DYSF: variants seen among roughly 807,000 people sequenced by gnomAD.
DYSF encodes the protein dysferlin.
DYSF carries 212 observed loss-of-function variants against 274.9 expected under a neutral mutation model. That is an observed-to-expected ratio of 0.77 (90% confidence interval 0.69 to 0.86). The LOEUF (loss-of-function observed/expected upper bound fraction) is 0.86. Among genes scored for constraint, DYSF ranks in the 40% least tolerant of loss-of-function variants. The pLI, the probability that DYSF is intolerant of heterozygous loss-of-function variation, is 0.00. For missense variants in DYSF, 2,666 were observed against 2,783.2 expected, an observed-to-expected ratio of 0.96 and a Z score of 0.95; for synonymous variants, 1,091 against 1,078.7, an observed-to-expected ratio of 1.01 and a Z score of -0.22.
chr2:71,666,448 C>T (rs2095011427), intron 47 of DYSF, among the ~76,000 whole-genome samples: 1 of 152,230 alleles, frequency 6.6e-6, no homozygotes, highest in Non-Finnish European at 1.5e-5. Context: ...CAGGGCAGGT[C>T]TGATGGGTGA....
intron 40 of DYSF, among the ~76,000 whole-genome samples, chr2:71,616,156 G>C (rs538675007): frequency 1.3e-5 from 2 of 152,174 alleles, no homozygotes; most frequent in African/African-American, 2.4e-5. Flanking sequence ...TCACCACGGA[G>C]TATTTCTTAG....
At chr2:71,620,414 T>C (rs1408251498) in intron 40 of DYSF, 133 bp from the exon 41 acceptor site, 1 of 968,646 alleles carries the variant, frequency 1.0e-6, no homozygotes, top group Non-Finnish European at 1.6e-6. Context: ...CTTGTCCAAC[T>C]CCAAAGCACA....
At chr2:71,601,630 C>A in intron 35 of DYSF, 102 bp downstream of exon 35, 1 of 1,491,690 alleles carries the variant, frequency 6.7e-7, no homozygotes, top group Non-Finnish European at 9.3e-7. Flanking sequence ...TACCGCGATC[C>A]TGCCTCAAGC....
At chr2:71,468,438 G>A (rs563388376) in intron 1 of DYSF, among the ~76,000 whole-genome samples, 32 of 152,278 alleles carry the variant, frequency 2.1e-4, no homozygotes, top group Middle Eastern at 3.4e-3. Context: ...AGCTACCAGC[G>A]CTTGGAGTGG....
chr2:71,651,299 G>A (rs1352701361), intron 42 of DYSF, among the ~76,000 whole-genome samples: 1 of 152,128 alleles, frequency 6.6e-6, no homozygotes, highest in East Asian at 1.9e-4. Flanking sequence ...TCTTCAGCTA[G>A]TCTACTTTAG....
chr2:71,472,262 A>G (rs1470463674), intron 1 of DYSF, among the ~76,000 whole-genome samples: 1 of 152,238 alleles, frequency 6.6e-6, no homozygotes, highest in Non-Finnish European at 1.5e-5. Context: ...GTCAGAGGTT[A>G]TAGACAGATT....
Position 71,682,572 on chromosome 2 carries a change from G to A in DYSF, c.6216G>A (p.Lys2072=), listed in dbSNP as rs1398758921. The stretch of plus-strand genomic sequence containing the variant: ...TCCTGTGGTTTACCTCCCCATACAA[G>A]ACCATGAAGTTCATCCTGTGGCGGC... ...TSFLWFTSPY[K]TMKFILWRRF... The change falls in exon 55 of 56, where the codon AAG becomes AAA. Residue 2072 remains lysine, a synonymous_variant. Transcript: ENST00000410020. 1.2e-6 allele frequency: 2 copies of A among 1,614,082 alleles called. No homozygotes were observed. The highest frequency in any genetic ancestry group is 3.3e-5 in the Admixed American group (2 of 60,018).
rs201966225 is a variant in DYSF at position 71,611,292 on chromosome 2, C to T, written c.4005C>T (p.Asn1335=). ...LPYPPPQREA[N]IYMVPQNIKP... ...ACCCACCACCCCAGAGGGAGGCCAACATCTACATGGTTCCTCAGAACATCA... is the reference window on the plus strand; with the variant it reads ...ACCCACCACCCCAGAGGGAGGCCAATATCTACATGGTTCCTCAGAACATCA... Residue 1335 remains asparagine (N), a synonymous_variant, in exon 37 of 56, where the codon AAC becomes AAT. Coordinates refer to ENST00000410020, the MANE Select transcript of DYSF (RefSeq NM_001130987.2). 3.1e-5 allele frequency: 50 copies of T among 1,614,046 alleles called. No individual in the cohort carries two copies. In the East Asian group the frequency reaches 9.6e-4, roughly 31 times the overall value.
chr2:71,517,402 C>T (rs576870462), intron 10 of DYSF, among the ~76,000 whole-genome samples: 16 of 152,318 alleles, frequency 1.1e-4, no homozygotes, highest in African/African-American at 3.4e-4. Context: ...AGCTATGCCC[C>T]ACCCTCAGGT....
intron 1 of DYSF, among the ~76,000 whole-genome samples, chr2:71,479,045 T>G (rs1419035280): frequency 6.6e-6 from 1 of 151,746 alleles, no homozygotes; most frequent in African/African-American, 2.4e-5. Context: ...GGCCAGAGGC[T>G]CGAGGGACTT....
intron 19 of DYSF, 50 bp from the exon 20 acceptor site, chr2:71,552,961 T>A (rs776408724): frequency 1.2e-6 from 2 of 1,602,706 alleles, no homozygotes; most frequent in African/African-American, 2.7e-5. Context: ...CCAGCCTGGG[T>A]GCCTTTCTTT....
chr2:71,518,573 G>A (rs2086901335), intron 10 of DYSF, among the ~76,000 whole-genome samples: 1 of 151,712 alleles, frequency 6.6e-6, no homozygotes, highest in Non-Finnish European at 1.5e-5. Context: ...CCTGCATGGT[G>A]TTTTAATGTA....
In DYSF at chr2:71,565,054, G is replaced by C. The variant is rs73942329; in HGVS notation, c.2565+841G>C. Among the ~76,000 whole-genome samples the C allele has an allele frequency of 4.8e-3, 725 of 152,036 alleles. 7 individuals carry two copies. Among genetic ancestry groups the C allele is most frequent in the African/African-American group, 0.016 (675 of 41,480 alleles). ...AGCAAGGCTGCCCCTGCTTGGGGAG[G>C]AGTGGCCCTGAGAAGCAGGCCTGCT... is the stretch of plus-strand genomic sequence containing the variant. On this transcript the variant is annotated intron_variant, in intron 24 of 55. Transcript: ENST00000410020.
chr2:71,492,950 A>AG (rs752552454), intron 3 of DYSF, among the ~76,000 whole-genome samples: 1 of 152,084 alleles, frequency 6.6e-6, no homozygotes, highest in Admixed American at 6.6e-5. Context: ...GCTTTGAACA[A>AG]GGCTCACTGT....
intron 51 of DYSF, among the ~76,000 whole-genome samples, chr2:71,673,437 G>A (rs768877914): frequency 7.9e-5 from 12 of 152,148 alleles, no homozygotes; most frequent in South Asian, 2.1e-4. Context: ...AGCAGGAGAC[G>A]GAACTTCCCA....
At chr2:71,650,408 G>C (rs545256263) in intron 42 of DYSF, among the ~76,000 whole-genome samples, 1 of 152,298 alleles carries the variant, frequency 6.6e-6, no homozygotes, top group Non-Finnish European at 1.5e-5. Context: ...TTGAACCTGG[G>C]AGGTGGACAT....
intron 36 of DYSF, among the ~76,000 whole-genome samples, chr2:71,606,255 T>G (rs767692906): frequency 9.2e-5 from 14 of 152,206 alleles, no homozygotes; most frequent in Non-Finnish European, 1.8e-4. Flanking sequence ...TCTTGGGGTC[T>G]TCTTGGTCTG....
At chr2:71,646,061 G>T (rs1378152838) in intron 42 of DYSF, among the ~76,000 whole-genome samples, 1 of 152,196 alleles carries the variant, frequency 6.6e-6, no homozygotes, top group Non-Finnish European at 1.5e-5. Context: ...TGCTCTATGG[G>T]CCTGCCTGGT....
At chr2:71,570,392 G>C in intron 28 of DYSF, 58 bp downstream of exon 28, 2 of 1,567,468 alleles carry the variant, frequency 1.3e-6, no homozygotes, top group Non-Finnish European at 8.8e-7. Context: ...AAGCCATGCT[G>C]GTGGGGACGA....
Sources: allele counts gnomAD v4.1 joint callset (sites outside exome capture counted in the v4.1 genomes callset), GRCh38; gene constraint gnomAD v4.1.1; transcripts MANE v1.5; gene names NCBI Gene and HGNC (gene_info 2026-07-23, HGNC 2026-07-21).